CA5B: variants seen among roughly 807,000 people sequenced by gnomAD.
The protein encoded by CA5B is carbonic anhydrase 5B.
CA5B carries 15 observed loss-of-function variants against 23.1 expected under a neutral mutation model. The observed-to-expected ratio is 0.65, with a 90% CI of 0.43 to 1.00. CA5B has a LOEUF of 1.00. Among genes scored for constraint, CA5B ranks in the 50% least tolerant of loss-of-function variants. The pLI is 0.00. For synonymous variants in CA5B, 84 were observed against 98.5 expected, an observed-to-expected ratio of 0.85 and a Z score of 0.87; for missense variants, 236 against 252.2, an observed-to-expected ratio of 0.94 and a Z score of 0.43.
At chrX:15,771,201 C>G (rs6632727) in intron 3 of CA5B, among the ~76,000 whole-genome samples, 19 of 34,289 alleles carry the variant, frequency 5.5e-4, no homozygotes, top group African/African-American at 2.2e-3. Context: ...AACCTCATCT[C>G]TACAAAAAAA....
At chrX:15,762,897 T>C (rs1194285204) in intron 2 of CA5B, 9 of 354,194 alleles carry the variant, frequency 2.5e-5, no homozygotes, top group Non-Finnish European at 5.1e-5. Flanking sequence ...CTCAACAGGC[T>C]GATCTGTGTT....
intron 1 of CA5B, among the ~76,000 whole-genome samples, chrX:15,745,215 CT>C (rs1403749886): frequency 3.7e-5 from 3 of 80,243 alleles, no homozygotes; most frequent in African/African-American, 1.2e-4. Flanking sequence ...AAAGAAAAAT[CT>C]GTTTAATTAT....
At chrX:15,760,773 AC>A (rs1457846790) in intron 2 of CA5B, among the ~76,000 whole-genome samples, 1 of 111,583 alleles carries the variant, frequency 9.0e-6, no homozygotes, top group African/African-American at 3.3e-5. Context: ...ATCTTTACAA[AC>A]AGAATCAGGG....
chrX:15,738,850 A>G (rs1239617692), intron 1 of CA5B, among the ~76,000 whole-genome samples: 2 of 111,442 alleles, frequency 1.8e-5, no homozygotes, highest in Non-Finnish European at 3.8e-5. Flanking sequence ...CGCACCACCC[A>G]CTATGCTAGG....
At chrX:15,765,960 C>A (rs1368140827) in intron 3 of CA5B, among the ~76,000 whole-genome samples, 1 of 109,077 alleles carries the variant, frequency 9.2e-6, no homozygotes, top group Non-Finnish European at 1.9e-5. Context: ...AGTTCGAGAT[C>A]ACCCTGGGCA....
intron 7 of CA5B, 50 bp from the exon 8 acceptor site, chrX:15,782,435 A>G (rs1341391470): frequency 9.2e-7 from 1 of 1,084,531 alleles, no homozygotes; most frequent in African/African-American, 1.8e-5. Context: ...TTCACGAGGT[A>G]AAGCGAGTTT....
chrX:15,782,882 T>C lies in CA5B; in HGVS notation c.*218T>C. 1 of 326,026 alleles carries C rather than the reference T, an allele frequency of 3.1e-6. No homozygotes were observed. The highest frequency in any genetic ancestry group is 5.3e-6 in the Non-Finnish European group (1 of 189,830). 26.9% of individuals were successfully genotyped at this position (326,026 alleles called of 1,213,427 possible). ...ATACCTGTTGGTAATTGTAATGCCT[T>C]TTTTTTTTCTTTAAGAGACTAGGTC... On this transcript the variant is annotated 3_prime_UTR_variant, in exon 8 of 8. Transcript: ENST00000318636.
intron 3 of CA5B, among the ~76,000 whole-genome samples, chrX:15,767,933 C>T (rs1301134924): frequency 1.5e-5 from 1 of 65,691 alleles, no homozygotes; most frequent in African/African-American, 6.4e-5. Context: ...GTGTCTCACT[C>T]TGTCGCCCAG....
rs188883239 is a variant in CA5B, at chrX:15,784,985, C to G, written c.*2321C>G. The G allele has an allele frequency of 8.9e-6, 1 of 111,931 alleles. No homozygotes were observed. The allele number at this position is 111,931 out of a possible 1,213,427, so 9.2% of individuals were successfully genotyped here. ...ATTATTAGGGAAATGCAAATCAAAA[C>G]CACAATGAGATATCGTCTCACGCCC... On this transcript the variant is annotated 3_prime_UTR_variant, in exon 8 of 8. Coordinates refer to ENST00000318636, the MANE Select transcript of CA5B (RefSeq NM_007220.4).
intron 2 of CA5B, chrX:15,750,575 C>G (rs1931336949): frequency 8.5e-6 from 1 of 117,668 alleles, no homozygotes; most frequent in South Asian, 3.4e-4. Flanking sequence ...GGTTGATCCA[C>G]AAACCACAAA....
chrX:15,765,020 T>G (rs1385926943), intron 3 of CA5B: 1 of 378,849 alleles, frequency 2.6e-6, no homozygotes, highest in Non-Finnish European at 4.5e-6. Flanking sequence ...TGTATAGATT[T>G]ATAATTGGTA....
Position 15,785,156 on chromosome X carries a change from A to G in CA5B, c.*2492A>G, listed in dbSNP as rs1425687229. 1 of 112,137 alleles carries G rather than the reference A, an allele frequency of 8.9e-6. No homozygotes were observed. Among genetic ancestry groups the G allele is most frequent in the Non-Finnish European group, 1.9e-5 (1 of 53,289 alleles). The allele number at this position is 112,137 out of a possible 1,213,427, so 9.2% of individuals were successfully genotyped here. On this transcript the variant is annotated 3_prime_UTR_variant, in exon 8 of 8. Coordinates refer to ENST00000318636, the MANE Select transcript of CA5B (RefSeq NM_007220.4). ...AGTACACAGGTTTCCCAAATAACTG[A>G]AAACAGAATTACCATAAGAATTACC...
At position 15,776,615 on chromosome X, in the gene CA5B, T is replaced by C. The variant is rs1414528540; in HGVS notation, c.619-99T>C. The C allele has an allele frequency of 3.5e-5, 23 of 651,002 alleles. No individual in the cohort carries two copies. The East Asian group carries it at 6.2e-4, about 17-fold the overall frequency. 53.6% of individuals were successfully genotyped at this position (651,002 alleles called of 1,213,427 possible). Reference sequence around the variant, plus strand: ...GCCTGGAGCTGCTCTGGACCACTGCTGATCTCCAGATACTCCCTGAGAACC... The same window carrying C: ...GCCTGGAGCTGCTCTGGACCACTGCCGATCTCCAGATACTCCCTGAGAACC... On this transcript the variant is annotated intron_variant, in intron 6 of 7. Transcript: ENST00000318636.
intron 2 of CA5B, among the ~76,000 whole-genome samples, chrX:15,753,218 G>A (rs972208415): frequency 2.5e-4 from 28 of 112,333 alleles, no homozygotes; most frequent in Admixed American, 8.5e-4. Flanking sequence ...TACAGAGTTC[G>A]ACTCTTTTCG....
At chrX:15,748,982 A>C (rs1166166819) in intron 1 of CA5B, among the ~76,000 whole-genome samples, 1 of 111,791 alleles carries the variant, frequency 8.9e-6, no homozygotes, top group Non-Finnish European at 1.9e-5. Flanking sequence ...CAGGAGTGCA[A>C]ATGGATGTGA....
chrX:15,762,736 G>A (rs1402379863), intron 2 of CA5B: 3 of 334,953 alleles, frequency 9.0e-6, no homozygotes, highest in Non-Finnish European at 1.8e-5. Flanking sequence ...GGTGGGGCGA[G>A]ATGCAGAGGG....
rs893226012 is a variant in CA5B at position 15,784,756 on chromosome X, A to C, written c.*2092A>C. ...AAGCAATCAACAAAGTGAAAACGCA[A>C]GCTCTAGAATGAGAGAAAATAATTG... is the stretch of plus-strand genomic sequence containing the variant. On this transcript the variant is annotated 3_prime_UTR_variant, in exon 8 of 8. Coordinates refer to ENST00000318636, the MANE Select transcript of CA5B (RefSeq NM_007220.4). 8.9e-6 allele frequency: 1 copy of C among 112,267 alleles called. No individual in the cohort carries two copies. The highest frequency in any genetic ancestry group is 3.2e-5 in the African/African-American group (1 of 30,909). The allele number at this position is 112,267 out of a possible 1,213,427, so 9.3% of individuals were successfully genotyped here. A position where few individuals can be genotyped will look rare whatever the true frequency, so the allele number is the denominator to read the frequency against.
rs1373449793 is a variant in CA5B, at chrX:15,782,391, G to A, written c.775-94G>A. The A allele has an allele frequency of 2.1e-5, 18 of 855,697 alleles. No homozygotes were observed. The East Asian group carries it at 2.4e-4, about 11-fold the overall frequency. The allele number at this position is 855,697 out of a possible 1,213,427, so 70.5% of individuals were successfully genotyped here. A position where few individuals can be genotyped will look rare whatever the true frequency, so the allele number is the denominator to read the frequency against. ...TCTCCTTCTGTATCTAATTTGCAAC[G>A]AATGCTCAGAATTGTAAAAATGAAA... On this transcript the variant is annotated intron_variant, in intron 7 of 7. Coordinates refer to ENST00000318636, the MANE Select transcript of CA5B (RefSeq NM_007220.4).
chrX:15,743,542 G>A (rs1476158077), intron 1 of CA5B, among the ~76,000 whole-genome samples: 1 of 112,060 alleles, frequency 8.9e-6, no homozygotes, highest in African/African-American at 3.2e-5. Context: ...GAATAAAAGA[G>A]TGATAGACTG....
Sources: gnomAD v4.1 joint callset for allele counts (sites outside exome capture counted in the v4.1 genomes callset) on GRCh38, gnomAD v4.1.1 for gene constraint, MANE v1.5 for transcripts, NCBI Gene and HGNC (gene_info 2026-07-23, HGNC 2026-07-21) for gene names.